The following LARGE1 variants were observed in gnomAD, a reference collection of about 807,000 sequenced individuals.
The protein encoded by LARGE1 is LARGE xylosyl- and glucuronyltransferase 1.
Under a neutral mutation model 87.6 loss-of-function variants are expected in LARGE1, and 43 were observed. The observed-to-expected ratio is 0.49, with a 90% CI of 0.38 to 0.63. LARGE1 has a LOEUF of 0.63. LARGE1 is among the 30% of genes least tolerant of loss of function. The pLI is 0.00. For synonymous variants in LARGE1, 434 were observed against 394.6 expected, an observed-to-expected ratio of 1.10 and a Z score of -1.18; for missense variants, 802 against 1,000.2, an observed-to-expected ratio of 0.80 and a Z score of 2.67.
At position 33,316,373 on chromosome 22, in the gene LARGE1, C is replaced by T. The variant is rs117098200; in HGVS notation, c.1288-125G>A. ...ATCAGGACGTTGTTGATGGGTCTGA[C>T]GTACATGGAAGGGATCACCACTTTT... On this transcript the variant is annotated intron_variant, in intron 10 of 14. Transcript: ENST00000397394. The T allele has an allele frequency of 0.016, 12,873 of 817,056 alleles. 130 individuals are homozygous for T. The highest frequency in any genetic ancestry group is 0.02 in the Non-Finnish European group (9,916 of 504,950). The allele number at this position is 817,056 out of a possible 1,614,324, so 50.6% of individuals were successfully genotyped here.
intron 1 of LARGE1, among the ~76,000 whole-genome samples, chr22:33,826,515 G>A (rs561294311): frequency 3.3e-5 from 5 of 151,990 alleles, no homozygotes; most frequent in Middle Eastern, 3.4e-3. Flanking sequence ...GCTAATTTTT[G>A]TATTTTTAGT....
intron 1 of LARGE1, among the ~76,000 whole-genome samples, chr22:33,777,035 T>C (rs982285914): frequency 2.0e-5 from 3 of 151,728 alleles, no homozygotes; most frequent in Non-Finnish European, 4.4e-5. Context: ...AACATGAACA[T>C]AAGTTGGGAG....
chr22:33,698,870 A>G lies in LARGE1; in HGVS notation c.107-48202T>C, dbSNP rs546021030. Among the ~76,000 whole-genome samples the G allele has an allele frequency of 1.5e-4, 23 of 152,302 alleles. 2 individuals carry two copies. The highest frequency in any genetic ancestry group is 3.1e-4 in the African/African-American group (13 of 41,554). On this transcript the variant is annotated intron_variant, in intron 2 of 14. Transcript: ENST00000397394. Reference sequence around the variant, plus strand: ...AGTGTCTGTTCAAAAAGCTTTCCCTAACACCCTGCTCCCCTGACTTACTTT... The same window carrying G: ...AGTGTCTGTTCAAAAAGCTTTCCCTGACACCCTGCTCCCCTGACTTACTTT...
chr22:33,507,740 T>C (rs1230254339), intron 6 of LARGE1, among the ~76,000 whole-genome samples: 2 of 152,194 alleles, frequency 1.3e-5, no homozygotes, highest in African/African-American at 4.8e-5. Flanking sequence ...CATAATAATG[T>C]TTCTGAAGCA....
chr22:33,892,848 G>A (rs1408591805), intron 1 of LARGE1, among the ~76,000 whole-genome samples: 1 of 152,224 alleles, frequency 6.6e-6, no homozygotes, highest in Non-Finnish European at 1.5e-5. Context: ...CTCTGATTGT[G>A]AAATAAATCA....
intron 7 of LARGE1, among the ~76,000 whole-genome samples, chr22:33,385,170 G>A (rs571462469): frequency 2.5e-4 from 37 of 148,564 alleles, no homozygotes; most frequent in African/African-American, 8.5e-4. Flanking sequence ...TCTGCGGAAG[G>A]GACCTGGGTG....
chr22:33,130,359 G>A, the LARGE1 span, among the ~76,000 whole-genome samples: 208 of 143,396 alleles, frequency 1.5e-3, no homozygotes, highest in Non-Finnish European at 2.1e-3. Flanking sequence ...GCATGGTGGT[G>A]CATTCCTGTA....
chr22:33,439,967 A>G (rs549547175), intron 6 of LARGE1, among the ~76,000 whole-genome samples: 103 of 152,208 alleles, frequency 6.8e-4, no homozygotes, highest in African/African-American at 2.4e-3. Context: ...AGTGTTTCTC[A>G]AATTCATCCC....
intron 5 of LARGE1, among the ~76,000 whole-genome samples, chr22:33,594,026 C>G (rs1482883482): frequency 6.6e-6 from 1 of 152,132 alleles, no homozygotes; most frequent in African/African-American, 2.4e-5. Context: ...GAAGATTATG[C>G]AAGTTAAGCA....
chr22:33,695,852 T>G (rs762735404), intron 2 of LARGE1, among the ~76,000 whole-genome samples: 23 of 152,244 alleles, frequency 1.5e-4, no homozygotes, highest in Non-Finnish European at 5.9e-5. Context: ...TCTGGAGTGA[T>G]GAGGAAGTTC....
chr22:33,508,992 T>A (rs1444185120), intron 6 of LARGE1, among the ~76,000 whole-genome samples: 1 of 152,210 alleles, frequency 6.6e-6, no homozygotes, highest in Non-Finnish European at 1.5e-5. Context: ...GGCTTCAATT[T>A]ACCGCTCTGA....
chr22:33,399,511 T>C lies in LARGE1; in HGVS notation c.893-15207A>G, dbSNP rs552622660. Among the ~76,000 whole-genome samples, 71 of 152,316 alleles carry C rather than the reference T, an allele frequency of 4.7e-4. 1 individual carries two copies. Among genetic ancestry groups the C allele is most frequent in the African/African-American group, 1.7e-3 (71 of 41,572 alleles). ...TTTGGGTATATACCCAGTAATGGGA[T>C]TGCTGGGTCAACCACTGTGGAAGAC... is the stretch of plus-strand genomic sequence containing the variant. On this transcript the variant is annotated intron_variant, in intron 7 of 14. Transcript: ENST00000397394.
chr22:33,272,194 C>T (rs916525861), downstream of LARGE1, among the ~76,000 whole-genome samples: 1 of 152,192 alleles, frequency 6.6e-6, no homozygotes, highest in African/African-American at 2.4e-5. Flanking sequence ...TTTCACTTGG[C>T]TCAAGTAGCT....
chr22:33,173,505 T>C (rs1026472557), intron 11 of LARGE1, among the ~76,000 whole-genome samples: 5 of 152,066 alleles, frequency 3.3e-5, no homozygotes, highest in African/African-American at 1.2e-4. Context: ...TAACCTTAAA[T>C]GTAAATGGAC....
At position 33,604,429 on chromosome 22, in the gene LARGE1, C is replaced by G. The variant is rs2079195428; in HGVS notation, c.615+6G>C. ...ATCACGGAAGTGCCTCCCCTCCTGC[C>G]CATACCTTGAGCTCGTCTGCATTGT... On this transcript the variant is annotated splice_donor_region_variant and intron_variant, in intron 5 of 14. Transcript: ENST00000397394. 1 of 1,613,916 alleles carries G rather than the reference C, an allele frequency of 6.2e-7. No homozygotes were observed. Among genetic ancestry groups the G allele is most frequent in the Admixed American group, 1.7e-5 (1 of 60,002 alleles).
In LARGE1 at chr22:33,361,569, A is replaced by T. The variant is rs2064386650; in HGVS notation, c.1131+20350T>A. Among the ~76,000 whole-genome samples, 2 of 149,336 alleles carry T rather than the reference A, an allele frequency of 1.3e-5. 1 individual carries two copies. The highest frequency in any genetic ancestry group is 3.0e-5 in the Non-Finnish European group (2 of 66,998). On this transcript the variant is annotated intron_variant, in intron 9 of 14. Coordinates refer to ENST00000397394, the MANE Select transcript of LARGE1 (RefSeq NM_133642.5). ...AGGACTGTGGAGAGGGGCAGCAAGGATGTTTTGGGGCTGAGGGGTAGTGTG... is the reference window on the plus strand; with the variant it reads ...AGGACTGTGGAGAGGGGCAGCAAGGTTGTTTTGGGGCTGAGGGGTAGTGTG...
chr22:33,770,643 C>A (rs919996521), intron 1 of LARGE1, among the ~76,000 whole-genome samples: 1 of 152,040 alleles, frequency 6.6e-6, no homozygotes, highest in African/African-American at 2.4e-5. Context: ...AAAAATCACA[C>A]CACTGCACTC....
the LARGE1 span, among the ~76,000 whole-genome samples, chr22:33,132,109 T>A: frequency 3.2e-4 from 49 of 152,256 alleles, no homozygotes; most frequent in Admixed American, 3.0e-3. Flanking sequence ...GAGTTACAAC[T>A]AAAGATGAGA....
At position 33,570,067 on chromosome 22, in the gene LARGE1, G is replaced by T. The variant is rs74403602; in HGVS notation, c.616-5048C>A. Among the ~76,000 whole-genome samples the T allele has an allele frequency of 3.7e-3, 560 of 152,298 alleles. 2 individuals carry two copies. The highest frequency in any genetic ancestry group is 0.013 in the African/African-American group (526 of 41,576). On this transcript the variant is annotated intron_variant, in intron 5 of 14. Transcript: ENST00000397394. ...GTTGAGCCCTGAAGCCTGGGCTATA[G>T]AACTGGTTCTACTTTTAATGAGCTG...
Sources: gnomAD v4.1 joint callset for allele counts (sites outside exome capture counted in the v4.1 genomes callset) on GRCh38, gnomAD v4.1.1 for gene constraint, MANE v1.5 for transcripts, NCBI Gene and HGNC (gene_info 2026-07-23, HGNC 2026-07-21) for gene names.